SLC38A11: variants seen among roughly 807,000 people sequenced by gnomAD.
The protein encoded by SLC38A11 is putative sodium-coupled neutral amino acid transporter 11.
Under a neutral mutation model 49.4 loss-of-function variants are expected in SLC38A11, and 51 were observed. That is an observed-to-expected ratio of 1.03 (90% CI 0.83 to 1.30). SLC38A11 has a LOEUF of 1.30. SLC38A11 is among the 50% of genes most tolerant of loss of function. The pLI, the probability that SLC38A11 is intolerant of heterozygous loss-of-function variation, is 0.00. For synonymous variants in SLC38A11, 203 were observed against 192.9 expected, an observed-to-expected ratio of 1.05 and a Z score of -0.43; for missense variants, 574 against 556.2, an observed-to-expected ratio of 1.03 and a Z score of -0.32.
At position 164,935,937 on chromosome 2, in the gene SLC38A11, G is replaced by A. The variant is rs184310021; in HGVS notation, c.617+1413C>T. Among the ~76,000 whole-genome samples the A allele has an allele frequency of 3.0e-3, 463 of 152,248 alleles. 3 individuals are homozygous for A. Among genetic ancestry groups the A allele is most frequent in the Non-Finnish European group, 3.7e-3 (252 of 68,020 alleles). ...TCTCTCTCTGCCATGTGAGGACACA[G>A]CAGGAAGACTGCCCTCAACAAGGCA... On this transcript the variant is annotated intron_variant, in intron 7 of 11. Transcript: ENST00000685975.
intron 3 of SLC38A11, among the ~76,000 whole-genome samples, chr2:164,951,272 C>A (rs1029718263): frequency 6.6e-6 from 1 of 151,948 alleles, no homozygotes; most frequent in Non-Finnish European, 1.5e-5. Flanking sequence ...CTTAAATAAA[C>A]CATAGTGATT....
intron 3 of SLC38A11, among the ~76,000 whole-genome samples, chr2:164,951,399 A>G (rs1688516403): frequency 6.6e-6 from 1 of 152,100 alleles, no homozygotes; most frequent in South Asian, 2.1e-4. Context: ...CAATAAGTAG[A>G]CTGCAATTTT....
At chr2:164,900,214 G>A (rs753341117) in intron 11 of SLC38A11, among the ~76,000 whole-genome samples, 7 of 152,012 alleles carry the variant, frequency 4.6e-5, no homozygotes, top group Non-Finnish European at 8.8e-5. Context: ...TGAACACTGA[G>A]GTTGTTTCTA....
chr2:164,949,158 A>G (rs935276511), intron 3 of SLC38A11, among the ~76,000 whole-genome samples: 1 of 151,228 alleles, frequency 6.6e-6, no homozygotes, highest in Non-Finnish European at 1.5e-5. Context: ...AATGATCACT[A>G]TAGCAGGATT....
intron 11 of SLC38A11, among the ~76,000 whole-genome samples, chr2:164,907,074 T>C (rs983133339): frequency 6.6e-6 from 1 of 152,066 alleles, no homozygotes; most frequent in Non-Finnish European, 1.5e-5. Flanking sequence ...TTGTAGAAGA[T>C]TAGCCACTTT....
At chr2:164,949,327 C>T (rs1043378917) in intron 3 of SLC38A11, among the ~76,000 whole-genome samples, 1 of 152,068 alleles carries the variant, frequency 6.6e-6, no homozygotes, top group Admixed American at 6.6e-5. Flanking sequence ...CAGCTCACTG[C>T]AACCTCTGCC....
chr2:164,952,962 A>C (rs1688623550), intron 2 of SLC38A11, 181 bp from the exon 3 acceptor site: 5 of 540,448 alleles, frequency 9.3e-6, no homozygotes, highest in African/African-American at 8.0e-5. Flanking sequence ...CTTATTTCAG[A>C]ATAAAATGTT....
intron 3 of SLC38A11, among the ~76,000 whole-genome samples, chr2:164,946,617 G>T (rs956495831): frequency 2.0e-5 from 3 of 150,198 alleles, no homozygotes; most frequent in Admixed American, 6.6e-5. Flanking sequence ...ATTGAAGTTA[G>T]AGATAGATAT....
At chr2:164,927,275 C>T (rs972801888) in intron 7 of SLC38A11, among the ~76,000 whole-genome samples, 6 of 152,138 alleles carry the variant, frequency 3.9e-5, no homozygotes, top group Admixed American at 2.0e-4. Flanking sequence ...CTTGGACTTC[C>T]CAGCCTCCAG....
chr2:164,927,675 G>A (rs541582224), intron 7 of SLC38A11, among the ~76,000 whole-genome samples: 1 of 152,100 alleles, frequency 6.6e-6, no homozygotes, highest in East Asian at 1.9e-4. Flanking sequence ...CGTCCCCCAT[G>A]TCCCTTTTTG....
intron 7 of SLC38A11, among the ~76,000 whole-genome samples, chr2:164,934,591 T>C (rs1021705625): frequency 6.6e-6 from 1 of 152,178 alleles, no homozygotes; most frequent in South Asian, 2.1e-4. Context: ...TCTCCCGTGG[T>C]GCAACTGAGG....
intron 11 of SLC38A11, among the ~76,000 whole-genome samples, chr2:164,907,789 G>A (rs1395519334): frequency 6.6e-6 from 1 of 151,962 alleles, no homozygotes; most frequent in Non-Finnish European, 1.5e-5. Flanking sequence ...AATCATTATC[G>A]GAAATAAAAA....
chr2:164,902,563 G>T (rs992274474), intron 11 of SLC38A11, among the ~76,000 whole-genome samples: 2 of 152,042 alleles, frequency 1.3e-5, no homozygotes, highest in Non-Finnish European at 2.9e-5. Context: ...TGGTTTAAAA[G>T]CTTTTTGACA....
chr2:164,906,473 G>A (rs1040533320), intron 11 of SLC38A11, among the ~76,000 whole-genome samples: 10 of 152,122 alleles, frequency 6.6e-5, no homozygotes, highest in Non-Finnish European at 1.5e-4. Flanking sequence ...AAATACTATG[G>A]AGGAGGGAGG....
intron 7 of SLC38A11, among the ~76,000 whole-genome samples, chr2:164,920,396 A>G (rs1472503716): frequency 6.6e-6 from 1 of 152,214 alleles, no homozygotes; most frequent in East Asian, 1.9e-4. Context: ...TAATAATCAA[A>G]AGTTAAACTT....
chr2:164,952,826 C>T, intron 2 of SLC38A11, 45 bp from the exon 3 acceptor site: 4 of 1,426,342 alleles, frequency 2.8e-6, no homozygotes, highest in Non-Finnish European at 3.9e-6. Flanking sequence ...AACAAGAAAG[C>T]TAGAAACACA....
At chr2:164,936,465 A>G (rs1027435076) in intron 7 of SLC38A11, among the ~76,000 whole-genome samples, 3 of 152,176 alleles carry the variant, frequency 2.0e-5, no homozygotes, top group Admixed American at 1.3e-4. Flanking sequence ...TACAGATGCC[A>G]TTCATTAAAA....
intron 11 of SLC38A11, among the ~76,000 whole-genome samples, chr2:164,905,644 G>A (rs1684949495): frequency 6.6e-6 from 1 of 152,044 alleles, no homozygotes; most frequent in Admixed American, 6.6e-5. Context: ...TTATTCTCAG[G>A]TGGTCTGAGA....
chr2:164,948,883 A>G (rs1043696463), intron 3 of SLC38A11, among the ~76,000 whole-genome samples: 9 of 141,350 alleles, frequency 6.4e-5, no homozygotes, highest in Non-Finnish European at 1.1e-4. Context: ...TTCTCTGCTA[A>G]CTCACTTTTT....
Sources: allele counts gnomAD v4.1 joint callset (sites outside exome capture counted in the v4.1 genomes callset), GRCh38; gene constraint gnomAD v4.1.1; transcripts MANE v1.5; gene names NCBI Gene and HGNC (gene_info 2026-07-23, HGNC 2026-07-21).